KIF20B: variants seen among roughly 807,000 people sequenced by gnomAD.
KIF20B encodes the protein kinesin family member 20B, also known as kinesin-like protein KIF20B.
KIF20B carries 188 observed loss-of-function variants against 232.5 expected under a neutral mutation model. The observed-to-expected ratio is 0.81, with a 90% CI of 0.72 to 0.91. KIF20B has a LOEUF of 0.91. Among genes scored for constraint, KIF20B ranks in the 40% least tolerant of loss-of-function variants. The probability of loss-of-function intolerance (pLI) is 0.00; values close to 1 mark genes in which losing one functional copy is unlikely to be tolerated. For missense variants in KIF20B, 2,154 were observed against 2,055.9 expected, an observed-to-expected ratio of 1.05 and a Z score of -0.92; for synonymous variants, 712 against 683.0, an observed-to-expected ratio of 1.04 and a Z score of -0.66.
rs780086166 is a variant in KIF20B, at chr10:89,768,786, G to A, written c.5140G>A (p.Ala1714Thr). 2 of 1,606,440 alleles carry A rather than the reference G, an allele frequency of 1.2e-6. No individual in the cohort carries two copies. Among genetic ancestry groups the A allele is most frequent in the Non-Finnish European group, 1.7e-6 (2 of 1,177,210 alleles). Reference protein sequence around the residue: ...SKKTYSLRSQASIIGVNLATK... With the variant: ...SKKTYSLRSQTSIIGVNLATK... ...GAAAACATATTCTTTACGGAGTCAG[G>A]CATCCATAATTGGTGTAAACCTGGC... is the stretch of plus-strand genomic sequence containing the variant. The change falls in exon 31 of 33, where the codon GCA becomes ACA. Residue 1714 changes from alanine to threonine, a missense_variant. Transcript: ENST00000371728.
intron 29 of KIF20B, among the ~76,000 whole-genome samples, chr10:89,764,961 A>G (rs1375452446): frequency 6.6e-6 from 1 of 151,492 alleles, no homozygotes; most frequent in African/African-American, 2.4e-5. Context: ...TTAGACATGA[A>G]GTCCTTGCCC....
At chr10:89,742,170 C>T (rs1226607069) in intron 21 of KIF20B, among the ~76,000 whole-genome samples, 1 of 152,186 alleles carries the variant, frequency 6.6e-6, no homozygotes, top group Non-Finnish European at 1.5e-5. Context: ...GTGCACCTCA[C>T]TGCAAAAGTT....
Position 89,737,879 on chromosome 10 carries a change from C to A in KIF20B, c.3038C>A (p.Ser1013Ter). 6.2e-7 allele frequency: 1 copy of A among 1,613,264 alleles called. No individual in the cohort carries two copies. The highest frequency in any genetic ancestry group is 1.1e-5 in the South Asian group (1 of 91,028). Reference protein sequence around the residue: ...NIDLLNLRDLSNGSEEDNLPN... With the variant: ...NIDLLNLRDL The stretch of plus-strand genomic sequence containing the variant: ...GATTTGCTCAATCTCAGGGATCTGT[C>A]AAATGGTTCTGAGGAGGATAATTTG... The change falls in exon 20 of 33, where the codon TCA (serine) becomes TAA (stop). Residue 1013 changes from serine (S) to a stop codon, truncating the protein, a stop_gained. Transcript: ENST00000371728. LOFTEE classifies it high-confidence loss of function.
chr10:89,717,367 C>T, intron 9 of KIF20B, 57 bp from the exon 10 acceptor site: 2 of 1,068,296 alleles, frequency 1.9e-6, no homozygotes, highest in Non-Finnish European at 2.8e-6. Flanking sequence ...CTTGTCTCTC[C>T]TATTTAGAAT....
In KIF20B at chr10:89,737,812, G is replaced by A. The variant is rs761389049; in HGVS notation, c.2971G>A (p.Glu991Lys). 3.1e-6 allele frequency: 5 copies of A among 1,613,024 alleles called. No homozygotes were observed. Among genetic ancestry groups the A allele is most frequent in the Admixed American group, 1.7e-5 (1 of 59,970 alleles). The change falls in exon 20 of 33, where the codon GAA (glutamate) becomes AAA (lysine). Residue 991 changes from glutamate (E) to lysine (K), a missense_variant. Coordinates refer to ENST00000371728, the MANE Select transcript of KIF20B (RefSeq NM_001284259.2). ...AAAATTAATGCACACGAAAATAGAC[G>A]AACTACGTACTCTTGATTCAGTTTC... Reference protein sequence around the residue: ...QIKLMHTKIDELRTLDSVSQI... With the variant: ...QIKLMHTKIDKLRTLDSVSQI...
At chr10:89,748,198 C>T (rs551304773) in intron 23 of KIF20B, among the ~76,000 whole-genome samples, 37 of 152,178 alleles carry the variant, frequency 2.4e-4, no homozygotes, top group African/African-American at 7.5e-4. Flanking sequence ...TTAGTAGAGA[C>T]GGGGTTTTGC....
At chr10:89,769,982 C>T (rs974081440) in intron 31 of KIF20B, among the ~76,000 whole-genome samples, 1 of 152,004 alleles carries the variant, frequency 6.6e-6, no homozygotes, top group South Asian at 2.1e-4. Flanking sequence ...TTACCACAGA[C>T]GTTTCCAAAC....
At chr10:89,755,777 A>T (rs1842108505) in intron 26 of KIF20B, among the ~76,000 whole-genome samples, 1 of 152,004 alleles carries the variant, frequency 6.6e-6, no homozygotes, top group Non-Finnish European at 1.5e-5. Flanking sequence ...TATTTTTTGT[A>T]GGGACAGAGA....
chr10:89,754,718 G>T, intron 26 of KIF20B, 45 bp downstream of exon 26: 1 of 1,394,668 alleles, frequency 7.2e-7, no homozygotes, highest in East Asian at 2.6e-5. Flanking sequence ...TACTTTCCTT[G>T]GTGTGTTAAA....
chr10:89,766,532 G>T (rs945632766), intron 29 of KIF20B: 3 of 152,140 alleles, frequency 2.0e-5, no homozygotes, highest in African/African-American at 7.2e-5. Flanking sequence ...CGTGAAGAAT[G>T]CAGAAGCCTC....
chr10:89,711,575 C>A (rs11185850), intron 6 of KIF20B, among the ~76,000 whole-genome samples: 53,149 of 151,678 alleles, frequency 0.35, 10,815 homozygotes, highest in African/African-American at 0.55. Context: ...TTTTCTCTCT[C>A]TATATAAAAT....
chr10:89,726,507 AAAAG>A lies in KIF20B; in HGVS notation c.2218_2221del (p.Lys740GlufsTer8), dbSNP rs1480222339. The A allele has an allele frequency of 1.9e-6, 3 of 1,589,526 alleles. No homozygotes were observed. Among genetic ancestry groups the A allele is most frequent in the South Asian group, 2.3e-5 (2 of 87,048 alleles). ...TTAATCAAAACCAAAGAAGAGTTAA[AAAAG>A]AGAGAAAATGGTAAGTGGATACATT... On this transcript the variant is annotated frameshift_variant, in exon 16 of 33. Transcript: ENST00000371728. LOFTEE classifies it high-confidence loss of function.
rs1258689947 is a variant in KIF20B at position 89,743,854 on chromosome 10, A to G, written c.3962A>G (p.Asn1321Ser). The G allele has an allele frequency of 6.4e-7, 1 of 1,569,812 alleles. No homozygotes were observed. The highest frequency in any genetic ancestry group is 2.3e-5 in the East Asian group (1 of 43,468). Reference protein sequence around the residue: ...DEDKLLRIKINELEKKKNQCS... With the variant: ...DEDKLLRIKISELEKKKNQCS... ...GATAAATTACTGAGGATTAAAATTA[A>G]TGAACTGGAGAAAAAGAAAAACCAG... The change falls in exon 22 of 33, where the codon AAT becomes AGT. Residue 1321 changes from asparagine (N) to serine (S), a missense_variant. By Grantham distance (46) the Asn-to-Ser change is conservative. Transcript: ENST00000371728.
chr10:89,731,856 T>A (rs1207423119), intron 18 of KIF20B, among the ~76,000 whole-genome samples: 1 of 152,224 alleles, frequency 6.6e-6, no homozygotes, highest in African/African-American at 2.4e-5. Context: ...TTAGAGATAC[T>A]AGAAAAACTT....
intron 29 of KIF20B, 117 bp from the exon 30 acceptor site, chr10:89,768,173 C>T (rs963125664): frequency 2.4e-5 from 16 of 669,874 alleles, no homozygotes; most frequent in East Asian, 5.8e-5. Context: ...AAATTGCCCT[C>T]GGTTAAGAGT....
At chr10:89,707,294 C>T (rs892299232) in intron 2 of KIF20B, among the ~76,000 whole-genome samples, 6 of 152,084 alleles carry the variant, frequency 3.9e-5, no homozygotes. Flanking sequence ...TAACCATTAC[C>T]CTCAAAAGTT....
chr10:89,751,777 T>C (rs1048720478), intron 24 of KIF20B, among the ~76,000 whole-genome samples: 6 of 152,076 alleles, frequency 3.9e-5, no homozygotes, highest in Admixed American at 2.6e-4. Flanking sequence ...GAGTTTCACC[T>C]TTGTCAGGCT....
intron 20 of KIF20B, 136 bp from the exon 21 acceptor site, chr10:89,738,822 T>C (rs1188717741): frequency 3.4e-6 from 4 of 1,176,026 alleles, no homozygotes; most frequent in Non-Finnish European, 4.7e-6. Context: ...AAATATTTTC[T>C]GAAGAACTCA....
At chr10:89,759,431 T>G (rs971993810) in intron 27 of KIF20B, among the ~76,000 whole-genome samples, 20 of 152,058 alleles carry the variant, frequency 1.3e-4, no homozygotes, top group Admixed American at 1.2e-3. Context: ...TCTGGGTACA[T>G]CTGAAGCTAG....
Sources: allele counts gnomAD v4.1 joint callset (sites outside exome capture counted in the v4.1 genomes callset), GRCh38; gene constraint gnomAD v4.1.1; transcripts MANE v1.5; gene names NCBI Gene and HGNC (gene_info 2026-07-23, HGNC 2026-07-21).